Variants in SSBP2 observed in about 807,000 individuals in gnomAD.
SSBP2 encodes single stranded DNA binding protein 2.
A neutral mutation model predicts 61.8 loss-of-function variants in SSBP2; 17 were observed. The observed-to-expected ratio is 0.28, with a 90% CI of 0.19 to 0.41. The LOEUF (loss-of-function observed/expected upper bound fraction) is 0.41, where lower values mean the gene tolerates loss of function less well. Ranked by LOEUF, SSBP2 falls within the 10% of genes least tolerant of loss-of-function variation. The pLI is 1.00. For synonymous variants in SSBP2, 139 were observed against 141.3 expected (o/e 0.98, Z 0.12); for missense variants, 310 against 458.7 (o/e 0.68, Z 2.96).
chr5:81,634,303 T>C (rs535037567), intron 3 of SSBP2, among the ~76,000 whole-genome samples: 6 of 152,324 alleles, frequency 3.9e-5, no homozygotes, highest in Admixed American at 2.0e-4. Flanking sequence ...ACTCAACCAA[T>C]TGCCAATCAG....
intron 4 of SSBP2, among the ~76,000 whole-genome samples, chr5:81,584,522 T>C (rs1230499611): frequency 6.6e-6 from 1 of 152,184 alleles, no homozygotes; most frequent in Non-Finnish European, 1.5e-5. Context: ...AGATTCATTC[T>C]TATAAAAGTT....
chr5:81,526,346 A>T lies in SSBP2; in HGVS notation c.283-12629T>A, dbSNP rs76368301. Among the ~76,000 whole-genome samples, 1,084 of 152,140 alleles carry T rather than the reference A, an allele frequency of 7.1e-3. 23 individuals are homozygous for T. Among genetic ancestry groups the T allele is most frequent in the African/African-American group, 0.025 (1,033 of 41,552 alleles). ...TTTATTGTTTCACCCAAAATTTTAA[A>T]TTATTTCACTATCTCATAGTTTTTA... On this transcript the variant is annotated intron_variant, in intron 4 of 16. Coordinates refer to ENST00000320672, the MANE Select transcript of SSBP2 (RefSeq NM_012446.5).
At chr5:81,731,879 G>T (rs1756292690) in intron 1 of SSBP2, among the ~76,000 whole-genome samples, 1 of 151,174 alleles carries the variant, frequency 6.6e-6, no homozygotes, top group Non-Finnish European at 1.5e-5. Context: ...CTTAAACAGA[G>T]AAATGAAAAG....
chr5:81,721,991 G>GA (rs1432576628), intron 1 of SSBP2, among the ~76,000 whole-genome samples: 49 of 150,852 alleles, frequency 3.2e-4, no homozygotes, highest in African/African-American at 8.8e-4. Context: ...TCTAAACACA[G>GA]AAAAAACAAA....
Position 81,448,351 on chromosome 5 carries a change from A to G in SSBP2, c.723+439T>C, listed in dbSNP as rs976837985. 5.3e-5 allele frequency among the ~76,000 whole-genome samples: 8 copies of G among 152,250 alleles called. No individual in the cohort carries two copies. The East Asian group carries it at 1.3e-3, about 26-fold the overall frequency. ...CAAAGAACAACCAAAAAATGAAATG[A>G]TTCCTCTAAATTATTAGTCATTATT... is the stretch of plus-strand genomic sequence containing the variant. On this transcript the variant is annotated intron_variant, in intron 11 of 16. Transcript: ENST00000320672.
chr5:81,580,091 G>A (rs1242451878), intron 4 of SSBP2, among the ~76,000 whole-genome samples: 1 of 151,984 alleles, frequency 6.6e-6, no homozygotes, highest in Non-Finnish European at 1.5e-5. Flanking sequence ...ACCATCTCCT[G>A]GTTTCTGGTT....
chr5:81,597,712 C>T (rs980902406), intron 4 of SSBP2, among the ~76,000 whole-genome samples: 2 of 151,956 alleles, frequency 1.3e-5, no homozygotes, highest in African/African-American at 4.8e-5. Flanking sequence ...TTTGTAGGGA[C>T]ATGGATGAAA....
intron 1 of SSBP2, among the ~76,000 whole-genome samples, chr5:81,735,186 T>C (rs1280255569): frequency 6.6e-6 from 1 of 152,152 alleles, no homozygotes; most frequent in Non-Finnish European, 1.5e-5. Context: ...CCTAATTTAT[T>C]GTATCTTTGA....
At chr5:81,741,131 T>C (rs1756996215) in intron 1 of SSBP2, among the ~76,000 whole-genome samples, 2 of 152,244 alleles carry the variant, frequency 1.3e-5, no homozygotes, top group Non-Finnish European at 2.9e-5. Context: ...GGACAAAATA[T>C]AAAACCTCTG....
chr5:81,666,430 C>T (rs1277245590), intron 1 of SSBP2, among the ~76,000 whole-genome samples: 1 of 151,978 alleles, frequency 6.6e-6, no homozygotes, highest in Non-Finnish European at 1.5e-5. Context: ...TCATTGATGT[C>T]ATATATTATA....
At chr5:81,647,677 T>G (rs1458892543) in intron 2 of SSBP2, among the ~76,000 whole-genome samples, 1 of 152,086 alleles carries the variant, frequency 6.6e-6, no homozygotes, top group Non-Finnish European at 1.5e-5. Flanking sequence ...CGTGTGAAAG[T>G]GAGGTAGACT....
At chr5:81,730,217 T>C (rs1362406903) in intron 1 of SSBP2, among the ~76,000 whole-genome samples, 1 of 152,124 alleles carries the variant, frequency 6.6e-6, no homozygotes, top group Non-Finnish European at 1.5e-5. Flanking sequence ...ACAGAGTAAG[T>C]GTACTTTTAA....
chr5:81,527,010 A>G (rs557460543), intron 4 of SSBP2, among the ~76,000 whole-genome samples: 2 of 152,184 alleles, frequency 1.3e-5, no homozygotes, highest in South Asian at 2.1e-4. Flanking sequence ...AACAGAATTA[A>G]AAGTATTACA....
chr5:81,470,511 T>A (rs1331390533), intron 8 of SSBP2, among the ~76,000 whole-genome samples: 1 of 151,862 alleles, frequency 6.6e-6, no homozygotes. Flanking sequence ...ACATGTTAAC[T>A]ATATTCTATG....
chr5:81,631,621 C>A (rs1401626935), intron 3 of SSBP2, among the ~76,000 whole-genome samples: 2 of 152,042 alleles, frequency 1.3e-5, no homozygotes, highest in East Asian at 3.9e-4. Flanking sequence ...TAAACACTGC[C>A]TGGCAATATT....
chr5:81,463,389 C>A (rs894513823), intron 9 of SSBP2, among the ~76,000 whole-genome samples: 3 of 152,062 alleles, frequency 2.0e-5, no homozygotes, highest in African/African-American at 7.2e-5. Context: ...GAAGTAGAAT[C>A]AGGTTAGCCT....
At chr5:81,704,165 C>T (rs1168433039) in intron 1 of SSBP2, among the ~76,000 whole-genome samples, 2 of 152,166 alleles carry the variant, frequency 1.3e-5, no homozygotes, top group African/African-American at 2.4e-5. Flanking sequence ...TTCTCTTTTT[C>T]TCAATCCTTT....
chr5:81,457,975 T>G (rs907607956), intron 10 of SSBP2, among the ~76,000 whole-genome samples: 14 of 152,144 alleles, frequency 9.2e-5, no homozygotes, highest in African/African-American at 3.1e-4. Context: ...AACCACAAAA[T>G]TACTTCTGTA....
Position 81,578,909 on chromosome 5 carries a change from AT to A in SSBP2, c.282+36563del, listed in dbSNP as rs200580167. 9.1e-4 allele frequency among the ~76,000 whole-genome samples: 139 copies of A among 151,920 alleles called. 1 individual carries two copies. The highest frequency in any genetic ancestry group is 3.1e-3 in the African/African-American group (128 of 41,458). ...AACAATCTATCCTTCTCTGTTAACA[AT>A]TTTTTTTCTTTTTGGAGTACATAGA... On this transcript the variant is annotated intron_variant, in intron 4 of 16. Coordinates refer to ENST00000320672, the MANE Select transcript of SSBP2 (RefSeq NM_012446.5).
Sources: allele counts gnomAD v4.1 joint callset (sites outside exome capture counted in the v4.1 genomes callset), GRCh38; gene constraint gnomAD v4.1.1; transcripts MANE v1.5; gene names NCBI Gene and HGNC (gene_info 2026-07-23, HGNC 2026-07-21).